Variants in TMEM260 observed in about 807,000 individuals in gnomAD.
TMEM260 encodes transmembrane protein 260, also known as protein O-mannosyl-transferase TMEM260.
TMEM260 carries 82 observed loss-of-function variants against 88.9 expected under a neutral mutation model. The ratio of observed to expected loss-of-function variants is 0.92; its 90% CI spans 0.77 to 1.11. The LOEUF is 1.11. Among genes scored for constraint, TMEM260 ranks in the 50% least tolerant of loss-of-function variants. The pLI is 0.00. For synonymous variants in TMEM260, 314 were observed against 309.3 expected, an observed-to-expected ratio of 1.02 and a Z score of -0.16; for missense variants, 902 against 853.4, an observed-to-expected ratio of 1.06 and a Z score of -0.71.
downstream of TMEM260, among the ~76,000 whole-genome samples, chr14:56,655,412 G>A (rs567059385): frequency 5.3e-5 from 8 of 151,852 alleles, no homozygotes; most frequent in South Asian, 4.2e-4. Flanking sequence ...AAGTAATTTG[G>A]CCCTTCATCT....
chr14:56,651,953 A>AT (rs983794821), downstream of TMEM260, among the ~76,000 whole-genome samples: 1 of 152,248 alleles, frequency 6.6e-6, no homozygotes, highest in Non-Finnish European at 1.5e-5. Context: ...CTGAAAGGGT[A>AT]TTTTTTGAAA....
chr14:56,642,537 A>G (rs1217512201), intron 15 of TMEM260, among the ~76,000 whole-genome samples: 1 of 152,246 alleles, frequency 6.6e-6, no homozygotes, highest in Non-Finnish European at 1.5e-5. Flanking sequence ...ATAGCACTAA[A>G]TACCCACAAG....
At chr14:56,606,672 G>A (rs766220584) in intron 5 of TMEM260, among the ~76,000 whole-genome samples, 24 of 152,136 alleles carry the variant, frequency 1.6e-4, no homozygotes, top group Non-Finnish European at 3.1e-4. Context: ...CAGGCGGATT[G>A]CCTGAGCTCA....
chr14:56,581,006 CAG>C (rs1885093888), intron 1 of TMEM260, among the ~76,000 whole-genome samples: 1 of 152,162 alleles, frequency 6.6e-6, no homozygotes, highest in African/African-American at 2.4e-5. Flanking sequence ...TGCTCGTACT[CAG>C]AAAAAGGTTG....
Position 56,625,438 on chromosome 14 carries a change from C to G in TMEM260, c.1455C>G (p.Asn485Lys). The change falls in exon 12 of 16, where the codon AAC becomes AAG. Residue 485 changes from asparagine to lysine, a missense_variant. By Grantham distance (94) the Asn-to-Lys change is moderately conservative. Coordinates refer to ENST00000261556, the MANE Select transcript of TMEM260 (RefSeq NM_017799.4). ...TGGCAAAGCACTTGCCAGGTGTCAA[C>G]TTTCCTGGGAACCGGTGGAATCCTG... ...PKMAKHLPGV[N>K]FPGNRWNPVE... 6.2e-7 allele frequency: 1 copy of G among 1,613,956 alleles called. No homozygotes were observed.
chr14:56,589,743 C>T (rs1263792819), intron 3 of TMEM260, among the ~76,000 whole-genome samples: 2 of 152,038 alleles, frequency 1.3e-5, no homozygotes, highest in African/African-American at 2.4e-5. Flanking sequence ...AATTTTATAA[C>T]TTATATATTT....
At chr14:56,585,655 C>T (rs1276400396) in intron 2 of TMEM260, 106 bp from the exon 3 acceptor site, 6 of 1,069,122 alleles carry the variant, frequency 5.6e-6, no homozygotes, top group Admixed American at 5.0e-5. Context: ...TCATTGGTGC[C>T]TAATCTTTAT....
intron 3 of TMEM260, among the ~76,000 whole-genome samples, chr14:56,593,547 C>T (rs1416289908): frequency 6.6e-6 from 1 of 151,604 alleles, no homozygotes; most frequent in Non-Finnish European, 1.5e-5. Flanking sequence ...ACTTAAATGA[C>T]TTTTGGATTT....
At chr14:56,596,408 A>G (rs55951262) in intron 3 of TMEM260, among the ~76,000 whole-genome samples, 34,963 of 90,992 alleles carry the variant, frequency 0.38, 5,221 homozygotes, top group African/African-American at 0.5. Context: ...GTGTGTGTGT[A>G]TATATATATA....
At chr14:56,651,553 G>T (rs1890207186), downstream of TMEM260, among the ~76,000 whole-genome samples, 1 of 152,104 alleles carries the variant, frequency 6.6e-6, no homozygotes, top group South Asian at 2.1e-4. Context: ...TAGATGTGAG[G>T]GTTAATTTTC....
intron 7 of TMEM260, 58 bp downstream of exon 7, chr14:56,612,343 T>A: frequency 1.5e-5 from 21 of 1,439,450 alleles, no homozygotes; most frequent in Non-Finnish European, 2.1e-5. Context: ...TTCCTTTAAG[T>A]GATTTTAGGG....
upstream of TMEM260, chr14:56,579,648 A>G (rs1284300407): frequency 5.3e-6 from 2 of 375,606 alleles, no homozygotes; most frequent in East Asian, 7.6e-5. Context: ...TCTCCTGGTG[A>G]TTAGGAACCT....
chr14:56,643,075 AC>A (rs1889716481), intron 15 of TMEM260, among the ~76,000 whole-genome samples: 1 of 152,214 alleles, frequency 6.6e-6, no homozygotes, highest in Admixed American at 6.5e-5. Context: ...GCCGAATTCT[AC>A]CAGAGGTACA....
chr14:56,610,042 A>G (rs900607000), intron 6 of TMEM260, among the ~76,000 whole-genome samples: 2 of 152,168 alleles, frequency 1.3e-5, no homozygotes, highest in Non-Finnish European at 2.9e-5. Flanking sequence ...ATGAGAAACT[A>G]AACAATCTAT....
Position 56,609,258 on chromosome 14 carries a change from C to T in TMEM260, c.789C>T (p.Leu263=), listed in dbSNP as rs10137799. 2,022 of 1,614,040 alleles carry T rather than the reference C, an allele frequency of 1.3e-3. 30 individuals carry two copies. In the African/African-American group the frequency reaches 0.024, roughly 19 times the overall value. The part of the protein sequence containing the change: ...TTLQGFLTHF[L]REEYGTFSLA... ...TGCAAGGATTTTTGACACATTTTCT[C>T]AGGGAAGAATATGGAACCTTCAGCC... The change falls in exon 6 of 16, where the codon CTC becomes CTT. Residue 263 remains leucine, a synonymous_variant. Coordinates refer to ENST00000261556, the MANE Select transcript of TMEM260 (RefSeq NM_017799.4).
intron 1 of TMEM260, among the ~76,000 whole-genome samples, chr14:56,583,766 A>G (rs570023704): frequency 8.5e-5 from 13 of 152,258 alleles, no homozygotes; most frequent in Admixed American, 1.3e-4. Flanking sequence ...AAAATATTCC[A>G]GGGTGAGAAA....
intron 11 of TMEM260, among the ~76,000 whole-genome samples, chr14:56,625,055 G>A (rs185707366): frequency 2.0e-4 from 31 of 152,330 alleles, no homozygotes; most frequent in South Asian, 1.0e-3. Flanking sequence ...GCAGAGCACA[G>A]CAGTAATGCT....
At chr14:56,598,224 A>C (rs1225269034) in intron 3 of TMEM260, among the ~76,000 whole-genome samples, 1 of 152,176 alleles carries the variant, frequency 6.6e-6, no homozygotes, top group Non-Finnish European at 1.5e-5. Flanking sequence ...TTAATGGAAA[A>C]AGAGGAGACA....
chr14:56,647,314 T>G lies in TMEM260; in HGVS notation c.1941T>G (p.Cys647Trp). The G allele has an allele frequency of 6.2e-7, 1 of 1,614,164 alleles. No individual in the cohort carries two copies. The highest frequency in any genetic ancestry group is 8.5e-7 in the Non-Finnish European group (1 of 1,180,026). ...VNWHKNYAIACERMLRLQARD... is the reference protein window; with the variant it reads ...VNWHKNYAIAWERMLRLQARD... ...GGCACAAGAACTATGCCATCGCCTG[T>G]GAGCGGATGCTGCGTCTTCAGGCAA... The change falls in exon 16 of 16, where the codon TGT (cysteine) becomes TGG (tryptophan). Residue 647 changes from cysteine (C) to tryptophan (W), a missense_variant. Physicochemically the swap from Cys to Trp is radical, Grantham distance 215. Transcript: ENST00000261556.
Sources: allele counts gnomAD v4.1 joint callset (sites outside exome capture counted in the v4.1 genomes callset), GRCh38; gene constraint gnomAD v4.1.1; transcripts MANE v1.5; gene names NCBI Gene and HGNC (gene_info 2026-07-23, HGNC 2026-07-21).